The following LMO7 variants were observed in gnomAD, a reference collection of about 807,000 sequenced individuals.
The protein encoded by LMO7 is LIM domain 7.
A neutral mutation model predicts 206.5 loss-of-function variants in LMO7; 120 were observed. That is an observed-to-expected ratio of 0.58 (90% CI 0.50 to 0.68). The LOEUF is 0.68. Ranked by LOEUF, LMO7 falls within the 30% of genes least tolerant of loss-of-function variation. LMO7 has a pLI of 0.00. For synonymous variants in LMO7, 706 were observed against 681.5 expected, an observed-to-expected ratio of 1.04 and a Z score of -0.56; for missense variants, 1,959 against 1,957.9, an observed-to-expected ratio of 1.00 and a Z score of -0.01.
rs1043667099 is a variant in LMO7 at position 75,859,089 on chromosome 13, C to T, written c.*1146C>T. The T allele has an allele frequency of 2.6e-5, 4 of 151,876 alleles. No individual in the cohort carries two copies. The highest frequency in any genetic ancestry group is 5.9e-5 in the Non-Finnish European group (4 of 67,978). The allele number at this position is 151,876 out of a possible 1,614,324, so 9.4% of individuals were successfully genotyped here. A position where few individuals can be genotyped will look rare whatever the true frequency, so the allele number is the denominator to read the frequency against. On this transcript the variant is annotated 3_prime_UTR_variant, in exon 31 of 31. Transcript: ENST00000377534. ...AGTCTCTTGTTTAAAAAATCTGGAG[C>T]GGGAATGCAAGGATACAAAACTTTA...
intron 6 of LMO7, among the ~76,000 whole-genome samples, chr13:75,797,922 C>T (rs754891613): frequency 9.2e-5 from 14 of 152,182 alleles, no homozygotes; most frequent in Non-Finnish European, 1.9e-4. Context: ...TGAGAGACTA[C>T]GTAACCTCAT....
chr13:75,703,084 G>A (rs191011338), intron 1 of LMO7, among the ~76,000 whole-genome samples: 1 of 152,110 alleles, frequency 6.6e-6, no homozygotes, highest in Non-Finnish European at 1.5e-5. Context: ...GCAGTAGAAG[G>A]CTACTTTAAT....
intron 1 of LMO7, among the ~76,000 whole-genome samples, chr13:75,678,896 G>A (rs1453893872): frequency 1.3e-5 from 2 of 152,204 alleles, no homozygotes; most frequent in Admixed American, 1.3e-4. Flanking sequence ...ATGACAGGAA[G>A]CAGATGATTA....
chr13:75,694,385 A>G (rs2041741360), intron 1 of LMO7, among the ~76,000 whole-genome samples: 2 of 152,212 alleles, frequency 1.3e-5, no homozygotes, highest in South Asian at 4.1e-4. Flanking sequence ...GCTCGAAGGT[A>G]GGTAGGAAGG....
At chr13:75,691,911 C>A (rs10220193) in intron 1 of LMO7, among the ~76,000 whole-genome samples, 14,814 of 152,062 alleles carry the variant, frequency 0.097, 778 homozygotes, top group Middle Eastern at 0.11. Context: ...GGAGGGCCTG[C>A]TGAGTTCTCT....
Position 75,858,748 on chromosome 13 carries a change from C to T in LMO7, c.*805C>T, listed in dbSNP as rs1182264841. ...CTTTTAGCCATATTTCAGTATGTGG[C>T]CTTTTTTGATGTTATGTTTTATCCA... On this transcript the variant is annotated 3_prime_UTR_variant, in exon 31 of 31. Transcript: ENST00000377534. 6.6e-6 allele frequency: 1 copy of T among 152,442 alleles called. No homozygotes were observed. The highest frequency in any genetic ancestry group is 2.4e-5 in the African/African-American group (1 of 41,386). The allele number at this position is 152,442 out of a possible 1,614,324, so 9.4% of individuals were successfully genotyped here.
intron 1 of LMO7, among the ~76,000 whole-genome samples, chr13:75,646,512 C>A (rs371925837): frequency 6.6e-6 from 1 of 152,174 alleles, no homozygotes; most frequent in Non-Finnish European, 1.5e-5. Context: ...TCTCCACCCC[C>A]ACTCTTCGAC....
chr13:75,681,893 A>C (rs980028601), intron 1 of LMO7, among the ~76,000 whole-genome samples: 17 of 151,696 alleles, frequency 1.1e-4, no homozygotes, highest in Non-Finnish European at 5.9e-5. Flanking sequence ...GATGTACCAC[A>C]GTTTGTTAAT....
chr13:75,781,322 C>T (rs1336961416), intron 4 of LMO7, among the ~76,000 whole-genome samples: 1 of 123,370 alleles, frequency 8.1e-6, no homozygotes, highest in African/African-American at 3.1e-5. Flanking sequence ...GTTCCCCTTC[C>T]TGTGTCCATG....
intron 14 of LMO7, among the ~76,000 whole-genome samples, chr13:75,822,762 CTATATA>C (rs66789925): frequency 0.03 from 3,253 of 108,366 alleles, 55 homozygotes; most frequent in Non-Finnish European, 0.034. Flanking sequence ...TTTTTAGAAA[CTATATA>C]TATATATATA....
intron 2 of LMO7, among the ~76,000 whole-genome samples, chr13:75,626,316 G>A (rs1333579540): frequency 6.6e-6 from 1 of 151,816 alleles, no homozygotes; most frequent in Non-Finnish European, 1.5e-5. Context: ...ATCATGGTGG[G>A]AGGTGAAAGG....
intron 20 of LMO7, among the ~76,000 whole-genome samples, chr13:75,839,020 A>AT (rs2139147984): frequency 6.6e-6 from 1 of 152,362 alleles, no homozygotes; most frequent in Admixed American, 6.5e-5. Context: ...AACGTGCCTT[A>AT]TAACACAGTA....
chr13:75,793,456 A>G (rs930737200), intron 4 of LMO7, among the ~76,000 whole-genome samples: 1 of 152,028 alleles, frequency 6.6e-6, no homozygotes, highest in African/African-American at 2.4e-5. Flanking sequence ...TTGTCCTTTC[A>G]GTAGAGACGG....
Position 75,737,842 on chromosome 13 carries a change from C to CAAAAAAAA in LMO7, c.210+10759_210+10766dup, listed in dbSNP as rs768622923. On this transcript the variant is annotated intron_variant, in intron 3 of 30. Coordinates refer to ENST00000377534, the MANE Select transcript of LMO7 (RefSeq NM_001306080.2). ...TAAATATAGATTCACAGGAAGCTGC[C>CAAAAAAAA]AAAAAAAAAAAAAAAAAAAAAACAC... Among the ~76,000 whole-genome samples the CAAAAAAAA allele has an allele frequency of 6.1e-4, 23 of 37,722 alleles. 1 individual carries two copies. The highest frequency in any genetic ancestry group is 1.9e-3 in the African/African-American group (16 of 8,220). 24.7% of individuals were successfully genotyped at this position (37,722 alleles called of 152,430 possible). A position where few individuals can be genotyped will look rare whatever the true frequency, so the allele number is the denominator to read the frequency against.
At chr13:75,724,982 CTG>C (rs2044342830) in intron 2 of LMO7, among the ~76,000 whole-genome samples, 1 of 152,094 alleles carries the variant, frequency 6.6e-6, no homozygotes, top group African/African-American at 2.4e-5. Flanking sequence ...CATTGTGTGT[CTG>C]TCACTTCTAA....
chr13:75,740,261 A>T (rs940436043), intron 3 of LMO7, among the ~76,000 whole-genome samples: 3 of 152,190 alleles, frequency 2.0e-5, no homozygotes, highest in Admixed American at 1.3e-4. Flanking sequence ...TAAGCAAGAC[A>T]GACATTTGTG....
At chr13:75,725,621 T>A (rs906961251) in intron 2 of LMO7, among the ~76,000 whole-genome samples, 1 of 152,050 alleles carries the variant, frequency 6.6e-6, no homozygotes, top group African/African-American at 2.4e-5. Context: ...AGCTAGTGAT[T>A]AAGAAAAAAA....
chr13:75,728,095 T>C (rs1467542350), intron 3 of LMO7, among the ~76,000 whole-genome samples: 1 of 152,174 alleles, frequency 6.6e-6, no homozygotes, highest in Admixed American at 6.5e-5. Flanking sequence ...CATGTGCATG[T>C]GTCTTTATAG....
At chr13:75,844,280 C>T (rs1595482981) in intron 25 of LMO7, among the ~76,000 whole-genome samples, 1 of 151,724 alleles carries the variant, frequency 6.6e-6, no homozygotes, top group East Asian at 1.9e-4. Context: ...ACTTATGATA[C>T]ATTATGTATT....
Sources: gnomAD v4.1 joint callset for allele counts (sites outside exome capture counted in the v4.1 genomes callset) on GRCh38, gnomAD v4.1.1 for gene constraint, MANE v1.5 for transcripts, NCBI Gene and HGNC (gene_info 2026-07-23, HGNC 2026-07-21) for gene names.